Variants in SSBP4 observed in about 807,000 individuals in gnomAD.
SSBP4 encodes the protein single stranded DNA binding protein 4.
In SSBP4, 33 loss-of-function variants were observed where a neutral mutation model predicts 64.6. The observed-to-expected ratio is 0.51, with a 90% CI of 0.39 to 0.68. The LOEUF (loss-of-function observed/expected upper bound fraction) is 0.68. SSBP4 is among the 30% of genes least tolerant of loss of function. SSBP4 has a pLI of 0.00. For missense variants in SSBP4, 583 were observed against 566.8 expected, an observed-to-expected ratio of 1.03 and a Z score of -0.29; for synonymous variants, 243 against 224.0, an observed-to-expected ratio of 1.08 and a Z score of -0.76.
chr19:18,414,093 G>A (rs561162480), upstream of SSBP4, among the ~76,000 whole-genome samples: 10 of 152,290 alleles, frequency 6.6e-5, no homozygotes, highest in South Asian at 1.9e-3. Context: ...AGAAGCTGGC[G>A]GTGGGGAGTG....
upstream of SSBP4, among the ~76,000 whole-genome samples, chr19:18,413,918 G>A (rs1972112293): frequency 6.6e-6 from 1 of 152,198 alleles, no homozygotes; most frequent in Admixed American, 6.5e-5. Flanking sequence ...TCAGGAAGCT[G>A]AGGCAGGAGA....
chr19:18,416,230 G>T (rs1568337944), upstream of SSBP4, among the ~76,000 whole-genome samples: 1 of 152,090 alleles, frequency 6.6e-6, no homozygotes, highest in Admixed American at 6.6e-5. Context: ...GTTTAGGCTG[G>T]TCTCGAACTC....
upstream of SSBP4, among the ~76,000 whole-genome samples, chr19:18,416,968 G>T (rs967274397): frequency 6.6e-6 from 1 of 152,174 alleles, no homozygotes; most frequent in African/African-American, 2.4e-5. Flanking sequence ...TGTGTTTGGA[G>T]ATCCTTCCCG....
Position 18,419,619 on chromosome 19 carries a change from T to C in SSBP4, c.-30T>C. The C allele has an allele frequency of 7.9e-7, 1 of 1,262,944 alleles. No homozygotes were observed. The highest frequency in any genetic ancestry group is 4.0e-5 in the Admixed American group (1 of 24,964). The allele number at this position is 1,262,944 out of a possible 1,614,324, so 78.2% of individuals were successfully genotyped here. A position where few individuals can be genotyped will look rare whatever the true frequency, so the allele number is the denominator to read the frequency against. ...GGCCCGCGGCGCCGCCTGACAGGTG[T>C]GGGCCCCGGCGGCGGCGGCGTGGAG... On this transcript the variant is annotated 5_prime_UTR_variant, in exon 1 of 18. Coordinates refer to ENST00000270061, the MANE Select transcript of SSBP4 (RefSeq NM_032627.5).
intron 1 of SSBP4, among the ~76,000 whole-genome samples, chr19:18,425,373 G>C (rs1323785541): frequency 6.6e-6 from 1 of 152,158 alleles, no homozygotes; most frequent in African/African-American, 2.4e-5. Context: ...CCCCTGCTCT[G>C]ACCCCTAAGT....
At position 18,433,575 on chromosome 19, in the gene SSBP4, G is replaced by A. The variant is rs927144993; in HGVS notation, c.992-10G>A. 7 of 1,545,662 alleles carry A rather than the reference G, an allele frequency of 4.5e-6. No individual in the cohort carries two copies. The highest frequency in any genetic ancestry group is 3.4e-4 in the Middle Eastern group (2 of 5,884). On this transcript the variant is annotated splice_polypyrimidine_tract_variant and intron_variant, in intron 15 of 17. Coordinates refer to ENST00000270061, the MANE Select transcript of SSBP4 (RefSeq NM_032627.5). ...TCTGAGCCGGTGCCCGTGTCTGTCCGTGTCTGTAGGCTCGGGCGACATGGA... is the reference window on the plus strand; with the variant it reads ...TCTGAGCCGGTGCCCGTGTCTGTCCATGTCTGTAGGCTCGGGCGACATGGA...
At position 18,434,221 on chromosome 19, in the gene SSBP4, C is replaced by G; in HGVS notation, c.1133C>G (p.Ser378Trp). The G allele has an allele frequency of 6.2e-7, 1 of 1,611,984 alleles. No individual in the cohort carries two copies. The highest frequency in any genetic ancestry group is 8.5e-7 in the Non-Finnish European group (1 of 1,179,614). ...TGCCCCCTCCTCTCTCCGCAGTACT[C>G]GCCAGGGATGACCATGAGCGTGTGA... is the stretch of plus-strand genomic sequence containing the variant. ...FLHPFPSESY[S>W]PGMTMSV is the part of the protein sequence containing the mutation. Residue 378 changes from serine (S) to tryptophan (W), a missense_variant, in exon 18 of 18, where the codon TCG (serine) becomes TGG (tryptophan). Physicochemically the swap from Ser to Trp is radical, Grantham distance 177. Transcript: ENST00000270061.
Position 18,432,090 on chromosome 19 carries a change from G to A in SSBP4, c.636+20G>A. ...CCCCAGGTAAGAGTGGAGCCCTGGTGGGTGGGGCCTTCGGGCTGTCCCCGG... is the reference window on the plus strand; with the variant it reads ...CCCCAGGTAAGAGTGGAGCCCTGGTAGGTGGGGCCTTCGGGCTGTCCCCGG... On this transcript the variant is annotated intron_variant, in intron 9 of 17. Transcript: ENST00000270061. The A allele has an allele frequency of 6.2e-7, 1 of 1,601,116 alleles. No individual in the cohort carries two copies. Among genetic ancestry groups the A allele is most frequent in the Non-Finnish European group, 8.5e-7 (1 of 1,171,642 alleles).
chr19:18,431,934 G>A (rs1180423179), intron 8 of SSBP4, 66 bp from the exon 9 acceptor site: 1 of 1,561,496 alleles, frequency 6.4e-7, no homozygotes, highest in South Asian at 1.2e-5. Context: ...AGACCTTGCT[G>A]CCTCCCCACT....
chr19:18,413,966 G>A (rs1454608361), upstream of SSBP4, among the ~76,000 whole-genome samples: 3 of 152,064 alleles, frequency 2.0e-5, no homozygotes, highest in African/African-American at 4.8e-5. Context: ...GCAGTGAGCC[G>A]AGATTGTGCC....
chr19:18,405,200 TG>T, the SSBP4 span, among the ~76,000 whole-genome samples: 1 of 152,164 alleles, frequency 6.6e-6, no homozygotes, highest in African/African-American at 2.4e-5. Context: ...CATGGATGCC[TG>T]GCCCTGTGGA....
rs375688293 is a variant in SSBP4 at position 18,431,879 on chromosome 19, C to T, written c.565+17C>T. The T allele has an allele frequency of 3.8e-6, 6 of 1,569,142 alleles. No individual in the cohort carries two copies. The highest frequency in any genetic ancestry group is 3.5e-6 in the Non-Finnish European group (4 of 1,154,570). ...GAGCCCAGGGTGAGTAGGGAAGCTC[C>T]AGCCCCTATCCCGCCATCAATCAGA... On this transcript the variant is annotated intron_variant, in intron 8 of 17. Coordinates refer to ENST00000270061, the MANE Select transcript of SSBP4 (RefSeq NM_032627.5).
rs1972276802 is a variant in SSBP4 at position 18,419,520 on chromosome 19, A to C, written c.-129A>C. ...CGTCTGGAGCTCCCCCGCGCGGACG[A>C]TGCCTGCCGTGCCCGCCTGGGGCTC... On this transcript the variant is annotated 5_prime_UTR_variant, in exon 1 of 18. The change abolishes an upstream ATG in the 5' untranslated region. Transcript: ENST00000270061. 9 of 1,117,600 alleles carry C rather than the reference A, an allele frequency of 8.1e-6. No individual in the cohort carries two copies. The highest frequency in any genetic ancestry group is 4.2e-5 in the South Asian group (1 of 23,758). 69.2% of individuals were successfully genotyped at this position (1,117,600 alleles called of 1,614,324 possible).
intron 4 of SSBP4, among the ~76,000 whole-genome samples, chr19:18,430,032 C>T (rs1028875542): frequency 6.6e-6 from 1 of 152,208 alleles, no homozygotes; most frequent in Non-Finnish European, 1.5e-5. Context: ...GTAGTTCATG[C>T]CACAAACACC....
At chr19:18,404,852 A>G in the SSBP4 span, among the ~76,000 whole-genome samples, 1 of 144,710 alleles carries the variant, frequency 6.9e-6, no homozygotes, top group Non-Finnish European at 1.5e-5. Context: ...AGACCACGCC[A>G]CTGCACTCCA....
chr19:18,433,875 GCAGGCC>G, intron 17 of SSBP4, 58 bp downstream of exon 17: 1 of 1,299,642 alleles, frequency 7.7e-7, no homozygotes, highest in Non-Finnish European at 9.7e-7. Flanking sequence ...GGGCTGGCGG[GCAGGCC>G]CCGGCGGGGC....
At position 18,433,008 on chromosome 19, in the gene SSBP4, A is replaced by G; in HGVS notation, c.877A>G (p.Met293Val). The G allele has an allele frequency of 6.2e-7, 1 of 1,614,094 alleles. No homozygotes were observed. Among genetic ancestry groups the G allele is most frequent in the Non-Finnish European group, 8.5e-7 (1 of 1,180,018 alleles). Reference protein sequence around the residue: ...TNSSENMYTIMNPIGQGAGRA... With the variant: ...TNSSENMYTIVNPIGQGAGRA... Reference sequence around the variant, plus strand: ...CTCCAGCGAAAACATGTACACTATCATGAACCCCATCGGGCAGGGCGCCGG... The same window carrying G: ...CTCCAGCGAAAACATGTACACTATCGTGAACCCCATCGGGCAGGGCGCCGG... The change falls in exon 14 of 18, where the codon ATG becomes GTG. Residue 293 changes from methionine to valine, a missense_variant. By Grantham distance (21) the Met-to-Val change is conservative. Around this residue, in one of 5 missense-constraint regions of SSBP4, gnomAD observed 444 missense variants for 386.6 expected, o/e 1.15. Transcript: ENST00000270061.
the SSBP4 span, among the ~76,000 whole-genome samples, chr19:18,403,326 C>T: frequency 6.6e-6 from 1 of 152,298 alleles, no homozygotes; most frequent in East Asian, 1.9e-4. Context: ...AGTGCAGGTC[C>T]TTGGTATGCT....
At position 18,426,916 on chromosome 19, in the gene SSBP4, G is replaced by A. The variant is rs1972895531; in HGVS notation, c.60-435G>A. On this transcript the variant is annotated intron_variant, in intron 1 of 17. Transcript: ENST00000270061. This position sits in a 1 kb window ranked among gnomAD's most constrained non-coding sequence, Gnocchi z 4.5. ...GGGTCCAGGGACTGCAGGGGATGTG[G>A]GGTGGAGGACCCCTTCCCTCCTTCC... 6.6e-6 allele frequency among the ~76,000 whole-genome samples: 1 copy of A among 152,106 alleles called. No individual in the cohort carries two copies. Among genetic ancestry groups the A allele is most frequent in the Non-Finnish European group, 1.5e-5 (1 of 68,006 alleles).
Sources: gnomAD v4.1 joint callset for allele counts (sites outside exome capture counted in the v4.1 genomes callset) on GRCh38, gnomAD v4.1.1 for gene constraint, gnomAD v4.1.1 regional missense constraint, Gnocchi (gnomAD v3.1) non-coding constraint, MANE v1.5 for transcripts, NCBI Gene and HGNC (gene_info 2026-07-23, HGNC 2026-07-21) for gene names.